The following PLSCR2 variants were observed in gnomAD, a reference collection of about 807,000 sequenced individuals.
PLSCR2 encodes phospholipid scramblase 2.
Under a neutral mutation model 25.3 loss-of-function variants are expected in PLSCR2, and 18 were observed. That is an observed-to-expected ratio of 0.71 (90% CI 0.49 to 1.06). PLSCR2 has a LOEUF of 1.06. PLSCR2 is among the 50% of genes least tolerant of loss of function. PLSCR2 has a pLI of 0.00. For synonymous variants in PLSCR2, 88 were observed against 87.3 expected (o/e 1.01, Z -0.04); for missense variants, 243 against 269.5 (o/e 0.90, Z 0.69).
At chr3:146,423,777 G>A (rs561693053) in intron 2 of PLSCR2, among the ~76,000 whole-genome samples, 1 of 152,138 alleles carries the variant, frequency 6.6e-6, no homozygotes, top group South Asian at 2.1e-4. Flanking sequence ...GGAAACATTT[G>A]CTGGTTTTAA....
intron 1 of PLSCR2, among the ~76,000 whole-genome samples, chr3:146,466,885 T>C (rs1289184328): frequency 6.6e-6 from 1 of 152,234 alleles, no homozygotes; most frequent in Non-Finnish European, 1.5e-5. Context: ...TGAAAGTTGT[T>C]AGAGGTTATC....
chr3:146,495,977 A>AGCAGAATCTAGC (rs2043733215), upstream of PLSCR2: 3 of 1,405,066 alleles, frequency 2.1e-6, no homozygotes, highest in African/African-American at 2.8e-5. Context: ...GGAAGAATCT[A>AGCAGAATCTAGC]AGATGGGCAG....
rs1292162783 is a variant in PLSCR2 at position 146,454,250 on chromosome 3, G to C, written c.322-87C>G. The C allele has an allele frequency of 1.6e-5, 15 of 945,838 alleles. No homozygotes were observed. The East Asian group carries it at 4.0e-4, about 25-fold the overall frequency. 58.6% of individuals were successfully genotyped at this position (945,838 alleles called of 1,614,324 possible). A position where few individuals can be genotyped will look rare whatever the true frequency, so the allele number is the denominator to read the frequency against. On this transcript the variant is annotated intron_variant, in intron 4 of 6. Transcript: ENST00000610787. ...CTCTAATTTACTGAGCATTTCCTAA[G>C]TGCCAGACATTGTAAGTGAGGACTT... is the stretch of plus-strand genomic sequence containing the variant.
intron 5 of PLSCR2, 70 bp downstream of exon 5, chr3:146,453,932 C>A: frequency 8.0e-7 from 1 of 1,251,416 alleles, no homozygotes; most frequent in Non-Finnish European, 1.1e-6. Context: ...TTAAGGCATT[C>A]ATAATATTCT....
At chr3:146,454,057 A>T in exon 5 of PLSCR2, 1 of 1,610,418 alleles carries the variant, frequency 6.2e-7, no homozygotes, top group Non-Finnish European at 8.5e-7. Flanking sequence ...ACTAATTTTT[A>T]GTACATCCTC....
chr3:146,470,029 G>C (rs1469962153), intron 1 of PLSCR2, among the ~76,000 whole-genome samples: 1 of 152,120 alleles, frequency 6.6e-6, no homozygotes, highest in Non-Finnish European at 1.5e-5. Context: ...AGCTTTTCAA[G>C]GTGAGGGAGC....
intron 6 of PLSCR2, among the ~76,000 whole-genome samples, chr3:146,442,508 C>T (rs1576636363): frequency 6.6e-6 from 1 of 151,962 alleles, no homozygotes; most frequent in East Asian, 1.9e-4. Flanking sequence ...GCCAAACAAT[C>T]TTTAGCAAGA....
intron 1 of PLSCR2, among the ~76,000 whole-genome samples, chr3:146,474,230 A>G (rs895524127): frequency 2.6e-5 from 4 of 152,152 alleles, no homozygotes; most frequent in Admixed American, 2.0e-4. Flanking sequence ...TTCTTTCCAC[A>G]ATTTCTTACT....
At chr3:146,444,479 T>A (rs1475204462) in intron 6 of PLSCR2, among the ~76,000 whole-genome samples, 2 of 152,032 alleles carry the variant, frequency 1.3e-5, no homozygotes, top group Non-Finnish European at 2.9e-5. Context: ...AATTGTTACA[T>A]CTTCTTGCAA....
chr3:146,434,428 A>G (rs575585374), intron 8 of PLSCR2, among the ~76,000 whole-genome samples: 9 of 152,262 alleles, frequency 5.9e-5, no homozygotes, highest in African/African-American at 1.9e-4. Context: ...AATTTCAAGG[A>G]AAATGAAAGT....
chr3:146,479,697 G>C (rs767773684), intron 1 of PLSCR2, among the ~76,000 whole-genome samples: 67 of 152,120 alleles, frequency 4.4e-4, no homozygotes, highest in African/African-American at 1.2e-4. Context: ...TGTTAGCAAG[G>C]ATATCCAGGA....
At chr3:146,486,363 A>G (rs927655440) in intron 1 of PLSCR2, among the ~76,000 whole-genome samples, 1 of 149,152 alleles carries the variant, frequency 6.7e-6, no homozygotes, top group Non-Finnish European at 1.5e-5. Context: ...CCTTCAAAAA[A>G]AATCAATGAA....
At chr3:146,437,919 A>C (rs1396905582), downstream of PLSCR2, among the ~76,000 whole-genome samples, 1 of 152,190 alleles carries the variant, frequency 6.6e-6, no homozygotes, top group African/African-American at 2.4e-5. Context: ...TTAGTGCTAT[A>C]AATTTCCCTC....
chr3:146,445,065 A>G (rs986365511), intron 6 of PLSCR2, among the ~76,000 whole-genome samples: 5 of 151,964 alleles, frequency 3.3e-5, no homozygotes, highest in African/African-American at 1.2e-4. Flanking sequence ...CTTTAATTTC[A>G]TTGTCCCATT....
chr3:146,479,354 G>A lies in PLSCR2; in HGVS notation c.-293+16541C>T, dbSNP rs377593382. 7.2e-5 allele frequency among the ~76,000 whole-genome samples: 11 copies of A among 152,234 alleles called. No homozygotes were observed. The South Asian group carries it at 8.3e-4, about 11-fold the overall frequency. Reference sequence around the variant, plus strand: ...TGCTGTGTCAGGAGACCCATCTCACGTGCAGAGACACACATAGGCTCAAAA... The same window carrying A: ...TGCTGTGTCAGGAGACCCATCTCACATGCAGAGACACACATAGGCTCAAAA... On this transcript the variant is annotated intron_variant, in intron 1 of 8. Coordinates refer to the PLSCR2 transcript ENST00000336685.
At chr3:146,413,556 C>G in intron 2 of PLSCR2, among the ~76,000 whole-genome samples, 1 of 152,290 alleles carries the variant, frequency 6.6e-6, no homozygotes, top group East Asian at 1.9e-4. Flanking sequence ...TTCCCTAAAG[C>G]TCAAGGGCAT....
At chr3:146,439,747 G>A (rs1267331070), downstream of PLSCR2, among the ~76,000 whole-genome samples, 2 of 152,042 alleles carry the variant, frequency 1.3e-5, no homozygotes, top group Non-Finnish European at 2.9e-5. Flanking sequence ...TGTTATTACC[G>A]ATTATCTGAA....
intron 1 of PLSCR2, among the ~76,000 whole-genome samples, chr3:146,480,566 T>G (rs991983928): frequency 6.6e-6 from 1 of 152,060 alleles, no homozygotes; most frequent in Admixed American, 6.6e-5. Context: ...AATAGACCAA[T>G]AACAGGCTCT....
chr3:146,408,929 C>G (rs771659839), intron 2 of PLSCR2, among the ~76,000 whole-genome samples: 22 of 151,964 alleles, frequency 1.4e-4, no homozygotes, highest in Non-Finnish European at 2.5e-4. Flanking sequence ...CTCTAGCTTC[C>G]TCCTCCAGTC....
Sources: allele counts gnomAD v4.1 joint callset (sites outside exome capture counted in the v4.1 genomes callset), GRCh38; gene constraint gnomAD v4.1.1; transcripts MANE v1.5; gene names NCBI Gene and HGNC (gene_info 2026-07-23, HGNC 2026-07-21).